CACNG2: variants seen among roughly 807,000 people sequenced by gnomAD.
CACNG2 encodes calcium voltage-gated channel auxiliary subunit gamma 2, also known as voltage-dependent calcium channel gamma-2 subunit.
CACNG2 carries 3 observed loss-of-function variants against 25.9 expected under a neutral mutation model. The observed-to-expected ratio is 0.12, with a 90% CI of 0.05 to 0.30. The LOEUF is 0.30. Among genes scored for constraint, CACNG2 ranks in the 10% least tolerant of loss-of-function variants. The pLI, the probability that CACNG2 is intolerant of heterozygous loss-of-function variation, is 1.00. For synonymous variants in CACNG2, 167 were observed against 173.3 expected (o/e 0.96, Z 0.29); for missense variants, 341 against 432.5 (o/e 0.79, Z 1.88).
Position 36,683,054 on chromosome 22 carries a change from C to T in CACNG2, c.211+19312G>A, listed in dbSNP as rs574206838. Among the ~76,000 whole-genome samples, 40 of 152,328 alleles carry T rather than the reference C, an allele frequency of 2.6e-4. 1 individual carries two copies. The highest frequency in any genetic ancestry group is 2.1e-3 in the Admixed American group (32 of 15,310). On this transcript the variant is annotated intron_variant, in intron 1 of 3. Transcript: ENST00000300105. ...ACAGCCAACTAGCTCATGATCGCTC[C>T]GGGCCCTCCAAAGGGTAAGTGCATT... is the stretch of plus-strand genomic sequence containing the variant.
chr22:36,655,045 G>A (rs1936683461), intron 1 of CACNG2, among the ~76,000 whole-genome samples: 1 of 152,100 alleles, frequency 6.6e-6, no homozygotes, highest in African/African-American at 2.4e-5. Flanking sequence ...ACAGAATGCT[G>A]GGGCCGGACT....
At chr22:36,680,074 A>G (rs903186719) in intron 1 of CACNG2, among the ~76,000 whole-genome samples, 1 of 151,804 alleles carries the variant, frequency 6.6e-6, no homozygotes, top group Non-Finnish European at 1.5e-5. Context: ...CATCATTATC[A>G]CCACCATCAC....
chr22:36,579,404 C>CAAAAAA (rs34224180), intron 2 of CACNG2, among the ~76,000 whole-genome samples: 5 of 47,170 alleles, frequency 1.1e-4, no homozygotes, highest in African/African-American at 1.9e-4. Context: ...AACTCTGTCT[C>CAAAAAA]AAAAAAAAAA....
intron 1 of CACNG2, among the ~76,000 whole-genome samples, chr22:36,661,302 G>T (rs6519024): frequency 6.6e-6 from 1 of 152,124 alleles, no homozygotes; most frequent in African/African-American, 2.4e-5. Flanking sequence ...TCCTGAGATC[G>T]CATGTTAGAT....
intron 1 of CACNG2, among the ~76,000 whole-genome samples, chr22:36,679,046 G>A (rs1338930923): frequency 6.6e-6 from 1 of 152,160 alleles, no homozygotes; most frequent in East Asian, 1.9e-4. Context: ...CGTCACAGCT[G>A]GCTGTGCCTT....
Position 36,703,404 on chromosome 22 carries a change from C to T in CACNG2, c.-828G>A, listed in dbSNP as rs186748334. 2.6e-5 allele frequency: 4 copies of T among 153,090 alleles called. No homozygotes were observed. Among genetic ancestry groups the T allele is most frequent in the African/African-American group, 7.2e-5 (3 of 41,410 alleles). 9.5% of individuals were successfully genotyped at this position (153,090 alleles called of 1,614,324 possible). ...GAGAATCGAGGCGGATTTCCCTCCC[C>T]CTATCTGCAAAGCTCCTGGAAACGA... On this transcript the variant is annotated 5_prime_UTR_variant, in exon 1 of 4. Coordinates refer to ENST00000300105, the MANE Select transcript of CACNG2 (RefSeq NM_006078.5).
intron 1 of CACNG2, among the ~76,000 whole-genome samples, chr22:36,668,329 A>AG (rs1936902092): frequency 6.6e-6 from 1 of 152,228 alleles, no homozygotes; most frequent in Non-Finnish European, 1.5e-5. Flanking sequence ...CTGAGCCAAT[A>AG]GAATATATAT....
intron 1 of CACNG2, among the ~76,000 whole-genome samples, chr22:36,593,522 T>A (rs1257180515): frequency 6.6e-6 from 1 of 152,036 alleles, no homozygotes; most frequent in Non-Finnish European, 1.5e-5. Flanking sequence ...CAGTGAGAGT[T>A]TGCAGGGGCG....
At chr22:36,638,694 T>C (rs1168010024) in intron 1 of CACNG2, among the ~76,000 whole-genome samples, 1 of 152,230 alleles carries the variant, frequency 6.6e-6, no homozygotes, top group East Asian at 1.9e-4. Context: ...TTTGTGATAT[T>C]GTTGACTGTT....
chr22:36,611,587 T>G (rs1935940564), intron 1 of CACNG2, among the ~76,000 whole-genome samples: 1 of 152,154 alleles, frequency 6.6e-6, no homozygotes, highest in African/African-American at 2.4e-5. Flanking sequence ...AAATATGAGT[T>G]GATAAAATGC....
At chr22:36,621,041 G>A (rs1936096428) in intron 1 of CACNG2, among the ~76,000 whole-genome samples, 1 of 152,192 alleles carries the variant, frequency 6.6e-6, no homozygotes, top group Non-Finnish European at 1.5e-5. Flanking sequence ...CATTGTATGA[G>A]ATGGGAGCAA....
chr22:36,607,978 G>A (rs1417783416), intron 1 of CACNG2, among the ~76,000 whole-genome samples: 1 of 152,162 alleles, frequency 6.6e-6, no homozygotes, highest in Non-Finnish European at 1.5e-5. Context: ...CATCTAGGGT[G>A]CAAAATTTAA....
intron 1 of CACNG2, among the ~76,000 whole-genome samples, chr22:36,624,947 G>A (rs1004956079): frequency 2.0e-5 from 3 of 147,978 alleles, no homozygotes; most frequent in Admixed American, 6.9e-5. Context: ...AGAATCGCTC[G>A]AACCAGTGAG....
At chr22:36,666,856 C>T (rs753347912) in intron 1 of CACNG2, among the ~76,000 whole-genome samples, 95 of 152,184 alleles carry the variant, frequency 6.2e-4, no homozygotes, top group Admixed American at 3.7e-3. Flanking sequence ...CCATCCTGTC[C>T]CCCACTAGAC....
At chr22:36,661,966 C>CTTTTTTTTTTT (rs71193254) in intron 1 of CACNG2, among the ~76,000 whole-genome samples, 13 of 44,590 alleles carry the variant, frequency 2.9e-4, no homozygotes, top group Non-Finnish European at 4.6e-4. Flanking sequence ...CATTGCTATT[C>CTTTTTTTTTTT]TTTTTTTTTT....
intron 1 of CACNG2, among the ~76,000 whole-genome samples, chr22:36,688,744 G>A (rs1937233875): frequency 6.6e-6 from 1 of 152,102 alleles, no homozygotes; most frequent in Non-Finnish European, 1.5e-5. Context: ...GCCAGAACCT[G>A]CTGGCCATGC....
intron 1 of CACNG2, among the ~76,000 whole-genome samples, chr22:36,611,486 G>A (rs1025738955): frequency 6.6e-6 from 1 of 152,222 alleles, no homozygotes; most frequent in Admixed American, 6.5e-5. Flanking sequence ...TGAAGCTCAA[G>A]GCTGCCAGGA....
At chr22:36,685,301 C>CCGCG (rs1211617346) in intron 1 of CACNG2, among the ~76,000 whole-genome samples, 2 of 152,170 alleles carry the variant, frequency 1.3e-5, no homozygotes, top group African/African-American at 4.8e-5. Flanking sequence ...AGGGGCCCGC[C>CCGCG]CGCGCCCAGG....
intron 1 of CACNG2, among the ~76,000 whole-genome samples, chr22:36,700,293 C>T (rs959430652): frequency 6.6e-6 from 1 of 152,224 alleles, no homozygotes; most frequent in East Asian, 1.9e-4. Context: ...AATCAAAATA[C>T]TTAAGCCTTT....
Sources: gnomAD v4.1 joint callset for allele counts (sites outside exome capture counted in the v4.1 genomes callset) on GRCh38, gnomAD v4.1.1 for gene constraint, MANE v1.5 for transcripts, NCBI Gene and HGNC (gene_info 2026-07-23, HGNC 2026-07-21) for gene names.